Variants in BAIAP2 observed in about 807,000 individuals in gnomAD.
BAIAP2 encodes BAR/IMD domain containing adaptor protein 2.
BAIAP2 carries 18 observed loss-of-function variants against 63.0 expected under a neutral mutation model. The observed-to-expected ratio is 0.29, with a 90% CI of 0.20 to 0.42. The LOEUF is 0.42. Ranked by LOEUF, BAIAP2 falls within the 10% of genes least tolerant of loss-of-function variation. BAIAP2 has a pLI of 1.00. For synonymous variants in BAIAP2, 386 were observed against 307.6 expected, an observed-to-expected ratio of 1.25 and a Z score of -2.67; for missense variants, 610 against 734.3, an observed-to-expected ratio of 0.83 and a Z score of 1.96.
chr17:81,076,227 G>A (rs938851932), intron 3 of BAIAP2: 4 of 152,256 alleles, frequency 2.6e-5, no homozygotes, highest in African/African-American at 9.6e-5. Context: ...ACCATCTGCA[G>A]CTTAACTCAT....
intron 3 of BAIAP2, among the ~76,000 whole-genome samples, chr17:81,080,688 C>A (rs1017323308): frequency 6.6e-6 from 1 of 152,196 alleles, no homozygotes; most frequent in Non-Finnish European, 1.5e-5. Context: ...TGCTTGTTAT[C>A]TGGTCTTGAC....
At chr17:81,066,839 C>G (rs1016870622) in intron 3 of BAIAP2, among the ~76,000 whole-genome samples, 6 of 152,224 alleles carry the variant, frequency 3.9e-5, no homozygotes, top group South Asian at 2.1e-4. Flanking sequence ...GTCCCAGCCT[C>G]CTCCTGCAGG....
rs1479680831 is a variant in BAIAP2 at position 81,116,251 on chromosome 17, G to A, written c.*412G>A. 6.2e-6 allele frequency: 10 copies of A among 1,612,690 alleles called. No homozygotes were observed. The highest frequency in any genetic ancestry group is 1.7e-5 in the Admixed American group (1 of 60,008). ...CCAGGTGTGATCTGTCCGCCCAAGG[G>A]CCAGAAGGCCGGGAGCACGGGGATG... On this transcript the variant is annotated 3_prime_UTR_variant, in exon 14 of 14. Transcript: ENST00000428708.
chr17:81,048,330 C>T (rs559706469), intron 1 of BAIAP2, among the ~76,000 whole-genome samples: 4 of 139,364 alleles, frequency 2.9e-5, no homozygotes, highest in African/African-American at 1.1e-4. Context: ...GCACTCCAGC[C>T]TGGGCGACAG....
In BAIAP2 at chr17:81,104,311, G is replaced by A. The variant is rs530304253; in HGVS notation, c.1066+203G>A. 3.9e-5 allele frequency among the ~76,000 whole-genome samples: 6 copies of A among 152,356 alleles called. No homozygotes were observed. The South Asian group carries it at 1.2e-3, about 32-fold the overall frequency. On this transcript the variant is annotated intron_variant, in intron 9 of 13. Transcript: ENST00000428708. The stretch of plus-strand genomic sequence containing the variant: ...CTTGTCAAGCCTCTGGTGCTCAGTG[G>A]GGGCATGAGTGGGGTACAGGGTTAG...
chr17:81,078,410 G>T (rs1279655593), intron 3 of BAIAP2, among the ~76,000 whole-genome samples: 10 of 130,408 alleles, frequency 7.7e-5, no homozygotes, highest in South Asian at 2.7e-4. Context: ...GGAGCCGGGC[G>T]CTGTGGGTGC....
At chr17:81,065,299 C>T (rs901841130) in intron 3 of BAIAP2, among the ~76,000 whole-genome samples, 7 of 152,094 alleles carry the variant, frequency 4.6e-5, no homozygotes, top group Admixed American at 6.5e-5. Flanking sequence ...CAGTGCTGTG[C>T]CCGTCCCGGC....
intron 2 of BAIAP2, among the ~76,000 whole-genome samples, chr17:81,056,011 G>A (rs2049494599): frequency 6.6e-6 from 1 of 152,190 alleles, no homozygotes; most frequent in Admixed American, 6.5e-5. Context: ...CCTGGTGGAA[G>A]TTGCACCTGG....
chr17:81,062,753 G>A (rs1017522235), intron 3 of BAIAP2, among the ~76,000 whole-genome samples: 3 of 149,104 alleles, frequency 2.0e-5, no homozygotes, highest in Non-Finnish European at 4.4e-5. Flanking sequence ...GAGCCAGTAC[G>A]TGTCTGCCAT....
Position 81,046,578 on chromosome 17 carries a change from C to T in BAIAP2, c.55-7090C>T, listed in dbSNP as rs574670591. Among the ~76,000 whole-genome samples the T allele has an allele frequency of 6.8e-4, 104 of 151,966 alleles. No homozygotes were observed. The highest frequency in any genetic ancestry group is 1.1e-3 in the Non-Finnish European group (77 of 67,958). On this transcript the variant is annotated intron_variant, in intron 1 of 13. Coordinates refer to ENST00000428708, the MANE Select transcript of BAIAP2 (RefSeq NM_001144888.2). This position sits in a 1 kb window ranked among gnomAD's most constrained non-coding sequence, Gnocchi z 4.5. The stretch of plus-strand genomic sequence containing the variant: ...GTCAGCAGTGGCCCGCCCTGGAGGA[C>T]GCTGCCACCTTCCCGATGCTCTCTG...
At chr17:81,090,844 G>GGC (rs2056606523) in intron 6 of BAIAP2, among the ~76,000 whole-genome samples, 1 of 152,202 alleles carries the variant, frequency 6.6e-6, no homozygotes, top group Non-Finnish European at 1.5e-5. Context: ...CCCCACCCAG[G>GGC]GCTGTTCCTG....
chr17:81,077,033 G>T (rs1016681372), intron 3 of BAIAP2, among the ~76,000 whole-genome samples: 2 of 152,142 alleles, frequency 1.3e-5, no homozygotes, highest in Non-Finnish European at 2.9e-5. Context: ...AAGACATTGT[G>T]CCCAGGGAGA....
At chr17:81,076,826 C>T (rs768020707) in intron 3 of BAIAP2, among the ~76,000 whole-genome samples, 1 of 152,122 alleles carries the variant, frequency 6.6e-6, no homozygotes, top group Non-Finnish European at 1.5e-5. Flanking sequence ...TAAAAATGAT[C>T]TGGGCATGGT....
chr17:81,092,534 C>T (rs1178981245), intron 6 of BAIAP2, among the ~76,000 whole-genome samples: 1 of 151,660 alleles, frequency 6.6e-6, no homozygotes, highest in Non-Finnish European at 1.5e-5. Context: ...CCGGGGGCCT[C>T]CTGTTGTTCA....
At chr17:81,055,569 G>GTTTTTTTTTTTTTTTTTTTTTTTT (rs1555657837) in intron 2 of BAIAP2, among the ~76,000 whole-genome samples, 11 of 94,190 alleles carry the variant, frequency 1.2e-4, no homozygotes, top group East Asian at 3.4e-4. Context: ...TCTGCAGGGT[G>GTTTTTTTTTTTTTTTTTTTTTTTT]TTTTGTTTTT....
intron 6 of BAIAP2, among the ~76,000 whole-genome samples, chr17:81,094,286 G>A (rs924920102): frequency 6.6e-6 from 1 of 152,196 alleles, no homozygotes; most frequent in Non-Finnish European, 1.5e-5. Context: ...GCGACCTGCT[G>A]TCTCCTGTGC....
chr17:81,068,318 C>T (rs1449377864), intron 3 of BAIAP2, among the ~76,000 whole-genome samples: 4 of 152,230 alleles, frequency 2.6e-5, no homozygotes, highest in African/African-American at 9.6e-5. Context: ...TGGTTAGGAG[C>T]AGACCACGCC....
At chr17:81,099,816 G>T (rs1255900612) in intron 6 of BAIAP2, 112 bp from the exon 7 acceptor site, 2 of 1,263,480 alleles carry the variant, frequency 1.6e-6, no homozygotes, top group South Asian at 3.0e-5. Flanking sequence ...GTTTCCAGCT[G>T]CTCTGCATGA....
rs925451051 is a variant in BAIAP2, at chr17:81,115,703, A to T, written c.1536-67A>T. The T allele has an allele frequency of 9.4e-6, 15 of 1,588,006 alleles. No homozygotes were observed. The African/African-American group carries it at 2.0e-4, about 21-fold the overall frequency. On this transcript the variant is annotated intron_variant, in intron 13 of 13. Transcript: ENST00000428708. ...CTGGGGAATCCCTGGGGCATCGGGC[A>T]GCCCAGGTGGCACAATTCACCCATG...
Sources: allele counts gnomAD v4.1 joint callset (sites outside exome capture counted in the v4.1 genomes callset), GRCh38; gene constraint gnomAD v4.1.1; non-coding constraint Gnocchi (gnomAD v3.1); transcripts MANE v1.5; gene names NCBI Gene and HGNC (gene_info 2026-07-23, HGNC 2026-07-21).